IRAG2: variants seen among roughly 807,000 people sequenced by gnomAD.
IRAG2 encodes the protein inositol 1,4,5-triphosphate receptor associated 2, also known as lymphoid restricted membrane protein.
IRAG2 carries 45 observed loss-of-function variants against 69.9 expected under a neutral mutation model. The observed-to-expected ratio is 0.64, with a 90% confidence interval of 0.51 to 0.83. The LOEUF is 0.83. Among genes scored for constraint, IRAG2 ranks in the 40% least tolerant of loss-of-function variants. The pLI is 0.00. For synonymous variants in IRAG2, 193 were observed against 202.4 expected (o/e 0.95, Z 0.40); for missense variants, 520 against 587.0 (o/e 0.89, Z 1.18).
chr12:25,002,078 A>G (rs1204351450), upstream of IRAG2, among the ~76,000 whole-genome samples: 7 of 152,080 alleles, frequency 4.6e-5, no homozygotes, highest in Non-Finnish European at 8.8e-5. Context: ...ACTGTTTTAT[A>G]AGGCTCTTTG....
chr12:25,039,500 T>G (rs1276416373), intron 16 of IRAG2, among the ~76,000 whole-genome samples: 2 of 152,164 alleles, frequency 1.3e-5, no homozygotes, highest in Non-Finnish European at 2.9e-5. Context: ...GCGTGATCTC[T>G]GCTCACTGCA....
In IRAG2 at chr12:25,104,388, A is replaced by T; in HGVS notation, c.1074A>T (p.Glu358Asp). The T allele has an allele frequency of 2.5e-6, 4 of 1,613,080 alleles. No individual in the cohort carries two copies. Among genetic ancestry groups the T allele is most frequent in the Non-Finnish European group, 3.4e-6 (4 of 1,179,076 alleles). The stretch of plus-strand genomic sequence containing the variant: ...GTATTTTGGGGTCAAAGCAGAGTGA[A>T]CACCGTCCCTCATTACCTCGATTTA... ...SWRILGSKQS[E>D]HRPSLPRFIS... Residue 358 changes from glutamate to aspartate, a missense_variant, in exon 20 of 22, where the codon GAA becomes GAT. Physicochemically the swap from Glu to Asp is conservative, Grantham distance 45. Coordinates refer to ENST00000556887, the MANE Select transcript of IRAG2 (RefSeq NM_001366544.2).
intron 9 of IRAG2, among the ~76,000 whole-genome samples, chr12:25,080,296 T>C (rs1235732711): frequency 6.6e-6 from 1 of 151,236 alleles, no homozygotes; most frequent in Non-Finnish European, 1.5e-5. Flanking sequence ...ATGGGAGGAA[T>C]AGGCTCTAAT....
In IRAG2 at chr12:25,066,356, C is replaced by A. The variant is rs1188076952; in HGVS notation, c.-206-9C>A. 1 of 400,774 alleles carries A rather than the reference C, an allele frequency of 2.5e-6. No individual in the cohort carries two copies. Among genetic ancestry groups the A allele is most frequent in the South Asian group, 1.3e-4 (1 of 7,934 alleles). The allele number at this position is 400,774 out of a possible 1,614,324, so 24.8% of individuals were successfully genotyped here. On this transcript the variant is annotated splice_polypyrimidine_tract_variant and intron_variant, in intron 4 of 21. Transcript: ENST00000556887. ...GTCTCTATTTTTATTTTTTTCTGTTCTACTGCAGATGCCTTATCTCTGGAT... is the reference window on the plus strand; with the variant it reads ...GTCTCTATTTTTATTTTTTTCTGTTATACTGCAGATGCCTTATCTCTGGAT...
intron 5 of IRAG2, among the ~76,000 whole-genome samples, 194 bp downstream of exon 5, chr12:25,066,706 A>G (rs1946004556): frequency 7.1e-6 from 1 of 141,350 alleles, no homozygotes. Flanking sequence ...TCTCTTGCCC[A>G]CACTGGAGTG....
chr12:24,998,818 T>A, the IRAG2 span, among the ~76,000 whole-genome samples: 2 of 152,142 alleles, frequency 1.3e-5, no homozygotes, highest in Non-Finnish European at 2.9e-5. Flanking sequence ...GCCTGCCTGA[T>A]CTAAGGTTTG....
chr12:25,064,809 G>T (rs1165942148), intron 4 of IRAG2, among the ~76,000 whole-genome samples: 1 of 152,212 alleles, frequency 6.6e-6, no homozygotes, highest in Admixed American at 6.5e-5. Flanking sequence ...GTGCTTGCTG[G>T]CCAGGTGCAG....
chr12:25,010,426 A>G (rs989446895), intron 2 of IRAG2, among the ~76,000 whole-genome samples: 1 of 152,100 alleles, frequency 6.6e-6, no homozygotes, highest in Non-Finnish European at 1.5e-5. Context: ...GCAGTGAACC[A>G]GGAGCATTCC....
At chr12:25,082,507 G>T (rs1458205725) in intron 9 of IRAG2, among the ~76,000 whole-genome samples, 16 of 151,976 alleles carry the variant, frequency 1.1e-4, no homozygotes, top group Admixed American at 6.6e-5. Context: ...GGCTGAGGGG[G>T]TAGGATCACT....
At chr12:25,105,928 C>CCAA (rs1949065955) in intron 20 of IRAG2, among the ~76,000 whole-genome samples, 2 of 152,110 alleles carry the variant, frequency 1.3e-5, no homozygotes, top group African/African-American at 2.4e-5. Flanking sequence ...AAATTCAAAT[C>CCAA]CAACTAGGAA....
chr12:25,014,214 A>G (rs959766611), intron 3 of IRAG2, among the ~76,000 whole-genome samples: 1 of 151,932 alleles, frequency 6.6e-6, no homozygotes, highest in African/African-American at 2.4e-5. Flanking sequence ...TTTCCAAAAT[A>G]TATGTTTGTA....
intron 5 of IRAG2, among the ~76,000 whole-genome samples, chr12:25,068,666 T>C (rs1401790420): frequency 6.6e-6 from 1 of 151,884 alleles, no homozygotes; most frequent in Non-Finnish European, 1.5e-5. Flanking sequence ...CTCGTAATAC[T>C]CAGGAAATTT....
chr12:25,037,908 T>C (rs1944714569), intron 15 of IRAG2: 1 of 397,966 alleles, frequency 2.5e-6, no homozygotes, highest in African/African-American at 2.1e-5. Context: ...CTTTTTAGAT[T>C]GCCTCTGTCA....
intron 16 of IRAG2, among the ~76,000 whole-genome samples, chr12:25,038,703 T>C (rs966641982): frequency 4.0e-5 from 6 of 151,738 alleles, no homozygotes; most frequent in Admixed American, 3.9e-4. Flanking sequence ...AGAGAAGGAA[T>C]TTGGAATTAC....
At chr12:25,028,211 C>T (rs982478513) in intron 9 of IRAG2, among the ~76,000 whole-genome samples, 2 of 152,316 alleles carry the variant, frequency 1.3e-5, no homozygotes, top group South Asian at 4.1e-4. Flanking sequence ...AGGGGTGAAC[C>T]ACCACGCCTG....
At chr12:25,105,071 GTTTTTTTTTTTTT>G (rs10583191) in intron 20 of IRAG2, among the ~76,000 whole-genome samples, 1 of 87,644 alleles carries the variant, frequency 1.1e-5, no homozygotes, top group Non-Finnish European at 2.2e-5. Flanking sequence ...CTTGGTCTCA[GTTTTTTTTTTTTT>G]TTTTTTTTTT....
intron 9 of IRAG2, among the ~76,000 whole-genome samples, chr12:25,028,049 T>A (rs1944638045): frequency 6.6e-6 from 1 of 152,086 alleles, no homozygotes; most frequent in African/African-American, 2.4e-5. Flanking sequence ...CTCAGCCTCC[T>A]GAGTAGCTGG....
At chr12:25,016,195 C>CAAAAA (rs35079588) in intron 5 of IRAG2, among the ~76,000 whole-genome samples, 1 of 142,208 alleles carries the variant, frequency 7.0e-6, no homozygotes, top group African/African-American at 2.6e-5. Context: ...GACTCCATCT[C>CAAAAA]AAAAAAAAAA....
At chr12:25,043,880 C>T (rs1327692023) in intron 16 of IRAG2, among the ~76,000 whole-genome samples, 1 of 152,044 alleles carries the variant, frequency 6.6e-6, no homozygotes, top group African/African-American at 2.4e-5. Flanking sequence ...GCTCCAGAAA[C>T]GGACCCTAAT....
Sources: gnomAD v4.1 joint callset for allele counts (sites outside exome capture counted in the v4.1 genomes callset) on GRCh38, gnomAD v4.1.1 for gene constraint, MANE v1.5 for transcripts, NCBI Gene and HGNC (gene_info 2026-07-23, HGNC 2026-07-21) for gene names.